Variants in APPBP2 observed in about 807,000 individuals in gnomAD.
APPBP2 encodes the protein amyloid beta precursor protein binding protein 2.
A neutral mutation model predicts 76.0 loss-of-function variants in APPBP2; 15 were observed. The ratio of observed to expected loss-of-function variants is 0.20; its 90% confidence interval spans 0.13 to 0.30. The LOEUF (loss-of-function observed/expected upper bound fraction) is 0.30. Among genes scored for constraint, APPBP2 ranks in the 10% least tolerant of loss-of-function variants. The probability of loss-of-function intolerance (pLI) is 1.00; values close to 1 mark genes in which losing one functional copy is unlikely to be tolerated. For missense variants in APPBP2, 401 were observed against 687.2 expected, an observed-to-expected ratio of 0.58 and a Z score of 4.66; for synonymous variants, 222 against 242.2, an observed-to-expected ratio of 0.92 and a Z score of 0.77.
rs115237999 is a variant in APPBP2 at position 60,472,910 on chromosome 17, C to T, written c.503+6238G>A. Reference sequence around the variant, plus strand: ...GTTTATGACATTTTTGTGAATTATACATTCTATTATCAATATCCCTTTTGT... The same window carrying T: ...GTTTATGACATTTTTGTGAATTATATATTCTATTATCAATATCCCTTTTGT... On this transcript the variant is annotated intron_variant, in intron 4 of 12. Coordinates refer to ENST00000083182, the MANE Select transcript of APPBP2 (RefSeq NM_006380.5). Among the ~76,000 whole-genome samples, 813 of 152,194 alleles carry T rather than the reference C, an allele frequency of 5.3e-3. 9 individuals carry two copies. Among genetic ancestry groups the T allele is most frequent in the African/African-American group, 0.018 (755 of 41,522 alleles).
intron 1 of APPBP2, among the ~76,000 whole-genome samples, chr17:60,517,906 T>C (rs911421287): frequency 6.6e-6 from 1 of 152,228 alleles, no homozygotes; most frequent in African/African-American, 2.4e-5. Context: ...TGGCCATTCA[T>C]ATTTCCTCTT....
intron 5 of APPBP2, among the ~76,000 whole-genome samples, chr17:60,466,016 G>T (rs561025634): frequency 6.6e-6 from 1 of 151,982 alleles, no homozygotes; most frequent in Non-Finnish European, 1.5e-5. Flanking sequence ...TTTCTATAGA[G>T]GCAGGGTCTC....
chr17:60,518,299 G>A lies in APPBP2; in HGVS notation c.138+7495C>T, dbSNP rs143546348. Among the ~76,000 whole-genome samples, 538 of 151,524 alleles carry A rather than the reference G, an allele frequency of 3.6e-3. 5 individuals are homozygous for A. Among genetic ancestry groups the A allele is most frequent in the South Asian group, 0.02 (97 of 4,772 alleles). ...TAGGCTTAAGCAATCTGCCTGCCTC[G>A]GCCTCTCAAAGTGCTGGGATTACAG... On this transcript the variant is annotated intron_variant, in intron 1 of 12. Transcript: ENST00000083182.
At chr17:60,499,021 TAA>T (rs148691561) in intron 2 of APPBP2, among the ~76,000 whole-genome samples, 5,431 of 152,148 alleles carry the variant, frequency 0.036, 177 homozygotes, top group Non-Finnish European at 0.059. Context: ...CTTCATGCAT[TAA>T]AAAGAGGTGT....
At chr17:60,513,917 G>A (rs537567212) in intron 1 of APPBP2, among the ~76,000 whole-genome samples, 1 of 150,036 alleles carries the variant, frequency 6.7e-6, no homozygotes, top group Admixed American at 6.7e-5. Flanking sequence ...CCTACCCCTG[G>A]AGTAAACACC....
At chr17:60,519,023 A>G (rs1054376309) in intron 1 of APPBP2, among the ~76,000 whole-genome samples, 53 of 152,172 alleles carry the variant, frequency 3.5e-4, no homozygotes, top group African/African-American at 1.1e-3. Flanking sequence ...CAGCGGCACA[A>G]TCACAGCTCA....
At chr17:60,454,197 T>C (rs1490675861) in intron 11 of APPBP2, 105 bp downstream of exon 11, 1 of 847,474 alleles carries the variant, frequency 1.2e-6, no homozygotes, top group African/African-American at 1.8e-5. Context: ...TCTCAATTCC[T>C]TTGTGCAATA....
intron 3 of APPBP2, among the ~76,000 whole-genome samples, chr17:60,491,869 G>C (rs1360143346): frequency 2.0e-5 from 3 of 152,222 alleles, no homozygotes; most frequent in African/African-American, 7.2e-5. Flanking sequence ...AAATTTGCAT[G>C]AGTAACGAGC....
intron 12 of APPBP2, among the ~76,000 whole-genome samples, chr17:60,451,502 C>G (rs1161635008): frequency 6.6e-6 from 1 of 151,860 alleles, no homozygotes; most frequent in Non-Finnish European, 1.5e-5. Flanking sequence ...GAGATGGAGT[C>G]TCGTTCTGTT....
intron 11 of APPBP2, among the ~76,000 whole-genome samples, chr17:60,452,370 A>G (rs1028689725): frequency 3.3e-5 from 5 of 152,262 alleles, no homozygotes; most frequent in Non-Finnish European, 5.9e-5. Context: ...GAAATTAACA[A>G]AACATTCTAA....
intron 1 of APPBP2, among the ~76,000 whole-genome samples, chr17:60,506,760 G>A (rs983009924): frequency 9.2e-5 from 14 of 152,048 alleles, no homozygotes; most frequent in Admixed American, 8.5e-4. Flanking sequence ...TTTTCCCCCC[G>A]GGCGCGGTGG....
At chr17:60,506,360 C>A (rs1391502725) in intron 1 of APPBP2, among the ~76,000 whole-genome samples, 3 of 152,164 alleles carry the variant, frequency 2.0e-5, no homozygotes, top group Admixed American at 2.0e-4. Flanking sequence ...TACACTCCTG[C>A]CACCTTAGCT....
chr17:60,470,793 A>ATT (rs375651282), intron 4 of APPBP2, among the ~76,000 whole-genome samples: 14 of 117,320 alleles, frequency 1.2e-4, no homozygotes, highest in Non-Finnish European at 2.0e-4. Flanking sequence ...GCCAGACTGG[A>ATT]TTTTTTTTTT....
chr17:60,514,589 C>T (rs958521070), intron 1 of APPBP2, among the ~76,000 whole-genome samples: 9 of 152,188 alleles, frequency 5.9e-5, no homozygotes, highest in African/African-American at 2.2e-4. Flanking sequence ...TATGATATTC[C>T]ATTCCTGATT....
chr17:60,516,679 A>C (rs2090966578), intron 1 of APPBP2, among the ~76,000 whole-genome samples: 1 of 152,224 alleles, frequency 6.6e-6, no homozygotes, highest in African/African-American at 2.4e-5. Context: ...AGTGCTATGA[A>C]CATTCATAAG....
At chr17:60,521,062 C>G (rs1436928517) in intron 1 of APPBP2, among the ~76,000 whole-genome samples, 1 of 152,142 alleles carries the variant, frequency 6.6e-6, no homozygotes, top group African/African-American at 2.4e-5. Context: ...TCCTGAGTAG[C>G]TAGGATGGGA....
intron 1 of APPBP2, among the ~76,000 whole-genome samples, chr17:60,521,475 G>A (rs1455735999): frequency 6.6e-6 from 1 of 152,176 alleles, no homozygotes; most frequent in Non-Finnish European, 1.5e-5. Flanking sequence ...CTATACAGGT[G>A]TACCATTTCT....
chr17:60,516,590 T>C (rs1441886894), intron 1 of APPBP2, among the ~76,000 whole-genome samples: 1 of 152,234 alleles, frequency 6.6e-6, no homozygotes, highest in Non-Finnish European at 1.5e-5. Context: ...TTCTACTACG[T>C]GACTATCCCA....
intron 8 of APPBP2, 148 bp from the exon 9 acceptor site, chr17:60,460,935 C>A (rs1044655127): frequency 1.5e-6 from 1 of 670,400 alleles, no homozygotes; most frequent in East Asian, 3.4e-5. Context: ...AATTACAGAA[C>A]ATGAAAGTCA....
Sources: gnomAD v4.1 joint callset for allele counts (sites outside exome capture counted in the v4.1 genomes callset) on GRCh38, gnomAD v4.1.1 for gene constraint, MANE v1.5 for transcripts, NCBI Gene and HGNC (gene_info 2026-07-23, HGNC 2026-07-21) for gene names.